The following IQSEC2 variants were observed in gnomAD, a reference collection of about 807,000 sequenced individuals.
IQSEC2 encodes IQ motif and SEC7 domain-containing protein 2.
Under a neutral mutation model 74.6 loss-of-function variants are expected in IQSEC2, and 6 were observed. The observed-to-expected ratio is 0.08, with a 90% CI of 0.04 to 0.16. The LOEUF is 0.16. IQSEC2 is among the 10% of genes least tolerant of loss of function. The pLI is 1.00. For missense variants in IQSEC2, 734 were observed against 1,306.2 expected (o/e 0.56, Z 6.75); for synonymous variants, 494 against 544.5 (o/e 0.91, Z 1.29).
At chrX:53,263,312 G>A (rs782106034) in intron 2 of IQSEC2, among the ~76,000 whole-genome samples, 4 of 111,492 alleles carry the variant, frequency 3.6e-5, no homozygotes, top group South Asian at 7.6e-4. Flanking sequence ...TGGACTGGAC[G>A]GACTAGGCTT....
intron 2 of IQSEC2, chrX:53,279,690 G>C: frequency 4.2e-6 from 4 of 952,545 alleles, no homozygotes; most frequent in Non-Finnish European, 6.0e-6. Context: ...GAGAGAGACA[G>C]AGAGAGAGAC....
At chrX:53,309,762 C>T (rs2075303490) in intron 1 of IQSEC2, among the ~76,000 whole-genome samples, 1 of 112,181 alleles carries the variant, frequency 8.9e-6, no homozygotes, top group African/African-American at 3.2e-5. Flanking sequence ...AGGGTGCTTA[C>T]TCCAAGAACA....
At chrX:53,241,545 T>C (rs1350541830) in intron 10 of IQSEC2, among the ~76,000 whole-genome samples, 1 of 111,833 alleles carries the variant, frequency 8.9e-6, no homozygotes, top group African/African-American at 3.3e-5. Context: ...AAGTCTGTCA[T>C]CTCCTTTGGT....
chrX:53,237,194 T>A (rs782820857), intron 12 of IQSEC2, among the ~76,000 whole-genome samples: 6 of 111,694 alleles, frequency 5.4e-5, no homozygotes, highest in African/African-American at 1.9e-4. Flanking sequence ...AGAGCCGACA[T>A]TCTGGAAGCA....
At chrX:53,271,884 G>A (rs2074749808) in intron 2 of IQSEC2, among the ~76,000 whole-genome samples, 1 of 111,612 alleles carries the variant, frequency 9.0e-6, no homozygotes, top group South Asian at 3.8e-4. Flanking sequence ...TTTAATGAAA[G>A]CCATGGACCA....
chrX:53,236,909 C>T (rs185131916), intron 12 of IQSEC2, among the ~76,000 whole-genome samples: 1 of 111,805 alleles, frequency 8.9e-6, no homozygotes, highest in African/African-American at 3.3e-5. Flanking sequence ...GCCCTTCTAG[C>T]CTATGGCAAA....
chrX:53,285,301 C>G (rs782593239), intron 2 of IQSEC2, among the ~76,000 whole-genome samples: 4 of 112,776 alleles, frequency 3.5e-5, no homozygotes, highest in African/African-American at 1.3e-4. Context: ...CCTGACCAGA[C>G]AGTGGGCTTC....
At chrX:53,305,730 C>G (rs1303586595) in intron 1 of IQSEC2, among the ~76,000 whole-genome samples, 1 of 111,569 alleles carries the variant, frequency 9.0e-6, no homozygotes, top group Non-Finnish European at 1.9e-5. Flanking sequence ...ATGCTTTTAA[C>G]TGCTACAGCT....
downstream of IQSEC2, chrX:53,227,813 G>C (rs782071362): frequency 8.1e-5 from 15 of 186,305 alleles, no homozygotes; most frequent in Admixed American, 2.3e-4. Flanking sequence ...TCTCAGCTCT[G>C]CACAGTCTTC....
At chrX:53,290,018 G>C (rs192205623) in intron 2 of IQSEC2, among the ~76,000 whole-genome samples, 2 of 112,137 alleles carry the variant, frequency 1.8e-5, no homozygotes, top group Non-Finnish European at 3.8e-5. Flanking sequence ...TGAGGATGAG[G>C]ATGATGATTA....
chrX:53,297,339 T>G (rs782804334), intron 1 of IQSEC2, among the ~76,000 whole-genome samples: 1 of 111,230 alleles, frequency 9.0e-6, no homozygotes, highest in Non-Finnish European at 1.9e-5. Flanking sequence ...TGTCTATATT[T>G]TTTCTTTTTT....
At chrX:53,299,898 A>C (rs1196195164) in intron 1 of IQSEC2, among the ~76,000 whole-genome samples, 2 of 111,120 alleles carry the variant, frequency 1.8e-5, no homozygotes, top group Admixed American at 1.9e-4. Flanking sequence ...CCACAGGTAC[A>C]TGCCACCACA....
chrX:53,242,784 G>A (rs1569296913), intron 9 of IQSEC2, among the ~76,000 whole-genome samples: 1 of 110,841 alleles, frequency 9.0e-6, no homozygotes, highest in East Asian at 2.8e-4. Context: ...GCCCCAGGCT[G>A]GAGTGCGTTG....
intron 1 of IQSEC2, among the ~76,000 whole-genome samples, chrX:53,298,116 C>A (rs782009805): frequency 7.0e-4 from 76 of 109,257 alleles, no homozygotes; most frequent in African/African-American, 2.3e-3. Flanking sequence ...GGCGACACAG[C>A]GAGACTCCGT....
At chrX:53,277,794 C>T (rs2074859883) in intron 2 of IQSEC2, among the ~76,000 whole-genome samples, 2 of 106,862 alleles carry the variant, frequency 1.9e-5, no homozygotes, top group Non-Finnish European at 3.9e-5. Flanking sequence ...CTTCAGCCTC[C>T]CTAGTAGCTG....
At chrX:53,247,347 T>G (rs2074323003) in intron 7 of IQSEC2, among the ~76,000 whole-genome samples, 1 of 112,463 alleles carries the variant, frequency 8.9e-6, no homozygotes, top group Admixed American at 9.4e-5. Flanking sequence ...TGTACGTTGT[T>G]TCACGTAATC....
At chrX:53,316,831 CAAAAAAAA>C (rs376964568) in intron 1 of IQSEC2, among the ~76,000 whole-genome samples, 2 of 73,238 alleles carry the variant, frequency 2.7e-5, no homozygotes, top group African/African-American at 4.8e-5. Flanking sequence ...AAACCAAAAC[CAAAAAAAA>C]AAAAAAAAGA....
At position 53,241,847 on chromosome X, in the gene IQSEC2, T is replaced by G. The variant is rs782760727; in HGVS notation, c.2952A>C (p.Pro984=). The part of the protein sequence containing the change: ...CCCQLYEVPD[P]NRPQRLGLHQ... ...GCAACCCTAGCCTCTGGGGGCGGTT[T>G]GGATCTGGCACCTCGTAGAGCTGGC... is the stretch of plus-strand genomic sequence containing the variant. Residue 984 remains proline (P), a synonymous_variant, in exon 10 of 15, where the codon CCA becomes CCC. Coordinates refer to ENST00000642864, the MANE Select transcript of IQSEC2 (RefSeq NM_001111125.3). 1.1e-4 allele frequency: 127 copies of G among 1,209,475 alleles called. No homozygotes were observed. Among genetic ancestry groups the G allele is most frequent in the Middle Eastern group, 2.3e-4 (1 of 4,372 alleles).
intron 2 of IQSEC2, among the ~76,000 whole-genome samples, chrX:53,280,818 C>T (rs1404430573): frequency 8.9e-6 from 1 of 111,837 alleles, no homozygotes; most frequent in Non-Finnish European, 1.9e-5. Flanking sequence ...CAGAGGTATG[C>T]CAGTCAGCTG....
Sources: gnomAD v4.1 joint callset for allele counts (sites outside exome capture counted in the v4.1 genomes callset) on GRCh38, gnomAD v4.1.1 for gene constraint, MANE v1.5 for transcripts, NCBI Gene and HGNC (gene_info 2026-07-23, HGNC 2026-07-21) for gene names.